The following ATXN2L variants were observed in gnomAD, a reference collection of about 807,000 sequenced individuals.
The protein encoded by ATXN2L is ataxin 2 like, also known as ataxin-2-like protein.
A neutral mutation model predicts 120.7 loss-of-function variants in ATXN2L; 24 were observed. That is an observed-to-expected ratio of 0.20 (90% CI 0.14 to 0.28). ATXN2L has a LOEUF of 0.28. Among genes scored for constraint, ATXN2L ranks in the 10% least tolerant of loss-of-function variants. The pLI is 1.00. For missense variants in ATXN2L, 1,312 were observed against 1,432.3 expected, an observed-to-expected ratio of 0.92 and a Z score of 1.36; for synonymous variants, 653 against 568.1, an observed-to-expected ratio of 1.15 and a Z score of -2.13.
In ATXN2L at chr16:28,832,536, G is replaced by GT. The variant is rs758501738; in HGVS notation, c.1557_1558insT (p.Pro520SerfsTer17). On this transcript the variant is annotated frameshift_variant, in exon 12 of 22. Coordinates refer to ENST00000336783, the MANE Select transcript of ATXN2L (RefSeq NM_007245.4). LOFTEE classifies it high-confidence loss of function. ...CCAAGGAACCTGGGAGAACTCTGGAGCCCCAGGAGCTGGCTCGGATAGCTG... is the reference window on the plus strand; with the variant it reads ...CCAAGGAACCTGGGAGAACTCTGGAGTCCCCAGGAGCTGGCTCGGATAGCTG... 1 of 1,614,208 alleles carries GT rather than the reference G, an allele frequency of 6.2e-7. No individual in the cohort carries two copies. Among genetic ancestry groups the GT allele is most frequent in the South Asian group, 1.1e-5 (1 of 91,078 alleles).
chr16:28,824,198 C>T (rs376620892), intron 1 of ATXN2L: 2 of 1,031,152 alleles, frequency 1.9e-6, no homozygotes, highest in South Asian at 5.7e-5. Context: ...TCGCGCGCCC[C>T]GGGAACACCT....
chr16:28,831,550 G>A (rs768792242), intron 10 of ATXN2L, among the ~76,000 whole-genome samples: 4 of 151,966 alleles, frequency 2.6e-5, no homozygotes, highest in Non-Finnish European at 2.9e-5. Flanking sequence ...GGCTGATCTC[G>A]AACTCCTGAC....
In ATXN2L at chr16:28,826,980, T is replaced by G. The variant is rs1449948781; in HGVS notation, c.735T>G (p.Ser245=). 2 of 1,549,094 alleles carry G rather than the reference T, an allele frequency of 1.3e-6. No individual in the cohort carries two copies. The highest frequency in any genetic ancestry group is 3.6e-5 in the Admixed American group (2 of 55,046). ...ACAGCGACGACTATGACCTCGAGTC[T>G]GACATGGTATAGCCTCCTTCCCTGA... ...DSNSDDYDLE[S]DMSNGWDPNE... is the part of the protein sequence containing the mutation. Residue 245 remains serine (S), a synonymous_variant, in exon 6 of 22, where the codon TCT becomes TCG. Coordinates refer to ENST00000336783, the MANE Select transcript of ATXN2L (RefSeq NM_007245.4).
At position 28,829,483 on chromosome 16, in the gene ATXN2L, C is replaced by G; in HGVS notation, c.824C>G (p.Ser275Cys). 1 of 1,602,454 alleles carries G rather than the reference C, an allele frequency of 6.2e-7. No individual in the cohort carries two copies. Among genetic ancestry groups the G allele is most frequent in the African/African-American group, 1.3e-5 (1 of 74,766 alleles). ...GVKTTYDSSL[S>C]SYTVPLEKDN... ...AAGACTACCTATGATAGCAGTCTTT[C>G]TTCTTATACGTGAGTATCTTGGTGC... Residue 275 changes from serine to cysteine, a missense_variant, in exon 7 of 22, where the codon TCT becomes TGT. Ser to Cys is a moderately radical substitution (Grantham distance 112). Coordinates refer to ENST00000336783, the MANE Select transcript of ATXN2L (RefSeq NM_007245.4).
In ATXN2L at chr16:28,826,943, G is replaced by C. The variant is rs1300277512; in HGVS notation, c.698G>C (p.Gly233Ala). 1.9e-6 allele frequency: 3 copies of C among 1,585,808 alleles called. No individual in the cohort carries two copies. The highest frequency in any genetic ancestry group is 1.7e-5 in the Admixed American group (1 of 57,980). The stretch of plus-strand genomic sequence containing the variant: ...GAGAAGGTGCTTCAGCGCTGGGAGG[G>C]GGGTGACAGCAACAGCGACGACTAT... ...HKEKVLQRWE[G>A]GDSNSDDYDL... The change falls in exon 6 of 22, where the codon GGG becomes GCG. Residue 233 changes from glycine to alanine, a missense_variant. Coordinates refer to ENST00000336783, the MANE Select transcript of ATXN2L (RefSeq NM_007245.4).
rs138159013 is a variant in ATXN2L at position 28,824,361 on chromosome 16, G to GA, written c.299+803_299+804insA. The GA allele has an allele frequency of 0.011, 13,178 of 1,228,654 alleles. 1,181 individuals are homozygous for GA. In the African/African-American group the frequency reaches 0.18, roughly 17 times the overall value. 76.1% of individuals were successfully genotyped at this position (1,228,654 alleles called of 1,614,324 possible). A position where few individuals can be genotyped will look rare whatever the true frequency, so the allele number is the denominator to read the frequency against. On this transcript the variant is annotated intron_variant, in intron 1 of 21. Coordinates refer to ENST00000336783, the MANE Select transcript of ATXN2L (RefSeq NM_007245.4). ...CAGTGGGCTCTGATCGCTGGAGGTG[G>GA]GGGTTCGGAAAGTCCCGTGGGTTTT...
At chr16:28,826,174 A>G (rs1415425434) in intron 4 of ATXN2L, 66 bp from the exon 5 acceptor site, 3 of 1,574,866 alleles carry the variant, frequency 1.9e-6, no homozygotes, top group Non-Finnish European at 2.6e-6. Flanking sequence ...AGAGAAATCC[A>G]GTTCTATTTT....
intron 8 of ATXN2L, 88 bp downstream of exon 8, chr16:28,830,146 G>T (rs554139736): frequency 2.0e-4 from 267 of 1,307,480 alleles, no homozygotes; most frequent in Non-Finnish European, 2.6e-4. Flanking sequence ...TGTGGTTTAA[G>T]CCTTGTGACC....
intron 5 of ATXN2L, 29 bp from the exon 6 acceptor site, chr16:28,826,833 A>T: frequency 6.6e-7 from 1 of 1,508,970 alleles, no homozygotes; most frequent in Non-Finnish European, 8.9e-7. Flanking sequence ...ATATAGCCTG[A>T]CTCCTGATCT....
At position 28,833,147 on chromosome 16, in the gene ATXN2L, T is replaced by C; in HGVS notation, c.1748T>C (p.Val583Ala). The change falls in exon 14 of 22, where the codon GTT becomes GCT. Residue 583 changes from valine (V) to alanine (A), a missense_variant. Coordinates refer to ENST00000336783, the MANE Select transcript of ATXN2L (RefSeq NM_007245.4). ...KEEPKGKEKE[V>A]DGLLTSEPMG... ...GAGCCCAAAGGAAAGGAGAAAGAGGTTGATGGTCTGTTGACTTCAGAGCCC... is the reference window on the plus strand; with the variant it reads ...GAGCCCAAAGGAAAGGAGAAAGAGGCTGATGGTCTGTTGACTTCAGAGCCC... 3 of 1,614,060 alleles carry C rather than the reference T, an allele frequency of 1.9e-6. No homozygotes were observed. Among genetic ancestry groups the C allele is most frequent in the South Asian group, 1.1e-5 (1 of 91,084 alleles).
In ATXN2L at chr16:28,836,423, A is replaced by C; in HGVS notation, c.*158A>C. 2 of 1,613,310 alleles carry C rather than the reference A, an allele frequency of 1.2e-6. No individual in the cohort carries two copies. The highest frequency in any genetic ancestry group is 1.7e-6 in the Non-Finnish European group (2 of 1,179,908). On this transcript the variant is annotated 3_prime_UTR_variant, in exon 22 of 22. Transcript: ENST00000336783. ...CGTCCTCGCTCAGTTGTGATCCAGC[A>C]GCCCCCCTCCCCACTGCCTCCCCAG...
At position 28,823,332 on chromosome 16, in the gene ATXN2L, C is replaced by T; in HGVS notation, c.73C>T (p.Arg25Cys). The T allele has an allele frequency of 2.1e-6, 3 of 1,402,720 alleles. No individual in the cohort carries two copies. Among genetic ancestry groups the T allele is most frequent in the Non-Finnish European group, 2.8e-6 (3 of 1,078,934 alleles). The allele number at this position is 1,402,720 out of a possible 1,614,324, so 86.9% of individuals were successfully genotyped here. ...GCCCCCCACGCAACAGGCCGTGGCCCGTCGGCCCCCCGGGGGCACCAGCCC... is the reference window on the plus strand; with the variant it reads ...GCCCCCCACGCAACAGGCCGTGGCCTGTCGGCCCCCCGGGGGCACCAGCCC... ...QPPPTQQAVA[R>C]RPPGGTSPPN... is the part of the protein sequence containing the mutation. The change falls in exon 1 of 22, where the codon CGT (arginine) becomes TGT (cysteine). Residue 25 changes from arginine (R) to cysteine (C), a missense_variant. Physicochemically the swap from Arg to Cys is radical, Grantham distance 180. Coordinates refer to ENST00000336783, the MANE Select transcript of ATXN2L (RefSeq NM_007245.4).
intron 9 of ATXN2L, 38 bp downstream of exon 9, chr16:28,830,828 A>G: frequency 1.3e-6 from 2 of 1,555,998 alleles, no homozygotes; most frequent in Non-Finnish European, 1.7e-6. Flanking sequence ...AGGGCAGGGA[A>G]GGGGATGCCA....
chr16:28,824,532 A>G (rs1378908071), intron 1 of ATXN2L: 38 of 1,287,944 alleles, frequency 3.0e-5, no homozygotes, highest in Non-Finnish European at 3.5e-5. Flanking sequence ...GCGATTGGTG[A>G]TCCCCGCAGA....
chr16:28,833,589 C>A, intron 15 of ATXN2L, 81 bp downstream of exon 15: 1 of 1,388,554 alleles, frequency 7.2e-7, no homozygotes, highest in Non-Finnish European at 1.0e-6. Flanking sequence ...GGGGGAGGAA[C>A]ACTTCACTTC....
chr16:28,827,704 G>A (rs963836071), intron 6 of ATXN2L, among the ~76,000 whole-genome samples: 17 of 152,090 alleles, frequency 1.1e-4, no homozygotes, highest in African/African-American at 4.1e-4. Context: ...TTGTGCCACT[G>A]GACTCCAGTC....
At position 28,832,844 on chromosome 16, in the gene ATXN2L, G is replaced by T. The variant is rs767436806; in HGVS notation, c.1616G>T (p.Arg539Leu). 3.1e-6 allele frequency: 5 copies of T among 1,614,022 alleles called. No homozygotes were observed. Among genetic ancestry groups the T allele is most frequent in the African/African-American group, 1.3e-5 (1 of 74,898 alleles). Residue 539 changes from arginine (R) to leucine (L), a missense_variant, in exon 13 of 22, where the codon CGA becomes CTA. Transcript: ENST00000336783. Reference protein sequence around the residue: ...KVPGLQNEQKRFQLEELRKFG... With the variant: ...KVPGLQNEQKLFQLEELRKFG... The stretch of plus-strand genomic sequence containing the variant: ...CCTGGTCTTCAGAATGAACAGAAAC[G>T]ATTCCAACTGGAAGAACTGAGAAAG...
At chr16:28,825,091 C>T (rs2051346107) in intron 1 of ATXN2L, among the ~76,000 whole-genome samples, 2 of 150,878 alleles carry the variant, frequency 1.3e-5, no homozygotes, top group African/African-American at 4.9e-5. Context: ...GTGGTTCGTA[C>T]CTATAGTCTC....
In ATXN2L at chr16:28,823,354, G is replaced by A. The variant is rs2050283825; in HGVS notation, c.95G>A (p.Ser32Asn). The change falls in exon 1 of 22, where the codon AGC becomes AAC. Residue 32 changes from serine (S) to asparagine (N), a missense_variant. Transcript: ENST00000336783. ...AVARRPPGGT[S>N]PPNGGLPGPL... ...GCCCGTCGGCCCCCCGGGGGCACCA[G>A]CCCTCCCAACGGCGGCCTCCCGGGG... 14 of 1,368,344 alleles carry A rather than the reference G, an allele frequency of 1.0e-5. No homozygotes were observed. The highest frequency in any genetic ancestry group is 8.4e-5 in the East Asian group (3 of 35,680). 84.8% of individuals were successfully genotyped at this position (1,368,344 alleles called of 1,614,324 possible).
Sources: allele counts gnomAD v4.1 joint callset (sites outside exome capture counted in the v4.1 genomes callset), GRCh38; gene constraint gnomAD v4.1.1; transcripts MANE v1.5; gene names NCBI Gene and HGNC (gene_info 2026-07-23, HGNC 2026-07-21).